Variants in AXIN2 observed in about 807,000 individuals in gnomAD.
The protein encoded by AXIN2 is axin-2.
A neutral mutation model predicts 74.7 loss-of-function variants in AXIN2; 21 were observed. The ratio of observed to expected loss-of-function variants is 0.28; its 90% CI spans 0.20 to 0.40. The LOEUF is 0.40. AXIN2 is among the 10% of genes least tolerant of loss of function. The pLI, the probability that AXIN2 is intolerant of heterozygous loss-of-function variation, is 1.00. For missense variants in AXIN2, 1,144 were observed against 1,111.1 expected (o/e 1.03, Z -0.42); for synonymous variants, 532 against 454.9 (o/e 1.17, Z -2.16).
In AXIN2 at chr17:65,537,669, C is replaced by G. The variant is rs1060502144; in HGVS notation, c.1367G>C (p.Gly456Ala). The G allele has an allele frequency of 6.4e-7, 1 of 1,562,328 alleles. No individual in the cohort carries two copies. Among genetic ancestry groups the G allele is most frequent in the African/African-American group, 1.4e-5 (1 of 74,012 alleles). Residue 456 changes from glycine to alanine, a missense_variant, in exon 6 of 11, where the codon GGC (glycine) becomes GCC (alanine). This residue lies in a region of AXIN2 where 1,053 missense variants were observed against 973.5 expected (regional missense o/e 1.08). Coordinates refer to ENST00000307078, the MANE Select transcript of AXIN2 (RefSeq NM_004655.4). ...VLKTPGCQSP[G>A]VGRYSPRSRS... ...GGAGCGGGGGCTATAGCGGCCTACG[C>G]CTGGAGACTGGCAGCCAGGGGTCTT...
rs1035482619 is a variant in AXIN2 at position 65,561,493 on chromosome 17, GC to G, written c.-161del. 2 of 150,316 alleles carry G rather than the reference GC, an allele frequency of 1.3e-5. No individual in the cohort carries two copies. Among genetic ancestry groups the G allele is most frequent in the Non-Finnish European group, 3.0e-5 (2 of 67,216 alleles). The allele number at this position is 150,316 out of a possible 1,614,324, so 9.3% of individuals were successfully genotyped here. A position where few individuals can be genotyped will look rare whatever the true frequency, so the allele number is the denominator to read the frequency against. ...CGGCGGGCGCCTCGGCCGCCGGGCG[GC>G]CCCGAAATCCATCGCTCTGAGGGGT... On this transcript the variant is annotated 5_prime_UTR_variant, in exon 1 of 11. The change abolishes the stop of an existing upstream ORF in the 5' untranslated region. Coordinates refer to ENST00000307078, the MANE Select transcript of AXIN2 (RefSeq NM_004655.4).
In AXIN2 at chr17:65,538,104, G is replaced by A. The variant is rs1422017403; in HGVS notation, c.1200+99C>T. On this transcript the variant is annotated intron_variant, in intron 5 of 10. Coordinates refer to ENST00000307078, the MANE Select transcript of AXIN2 (RefSeq NM_004655.4). ...CCACGCGCATGCGCATGCAACCCAC[G>A]CACATGCGCACACCCTAACGCACCC... 4 of 1,583,706 alleles carry A rather than the reference G, an allele frequency of 2.5e-6. No homozygotes were observed. The South Asian group carries it at 3.4e-5, about 13-fold the overall frequency.
In AXIN2 at chr17:65,529,028, T is replaced by G; in HGVS notation, c.*948A>C. 4.2e-6 allele frequency: 1 copy of G among 238,650 alleles called. No individual in the cohort carries two copies. The highest frequency in any genetic ancestry group is 8.2e-6 in the Non-Finnish European group (1 of 121,966). The allele number at this position is 238,650 out of a possible 1,614,324, so 14.8% of individuals were successfully genotyped here. On this transcript the variant is annotated 3_prime_UTR_variant, in exon 11 of 11. Transcript: ENST00000307078. ...CTCCCTACAACTGTTCATTTCTTTGTGGGGCAGGGGGTAGTTCCTGAATGG... is the reference window on the plus strand; with the variant it reads ...CTCCCTACAACTGTTCATTTCTTTGGGGGGCAGGGGGTAGTTCCTGAATGG...
chr17:65,552,001 A>G (rs373589417), intron 2 of AXIN2, among the ~76,000 whole-genome samples: 4 of 151,888 alleles, frequency 2.6e-5, no homozygotes, highest in Admixed American at 6.6e-5. Context: ...CCCTGTTCTC[A>G]TATCTGTAGA....
At chr17:65,560,443 C>CG (rs1016707129) in intron 1 of AXIN2, 8 of 138,724 alleles carry the variant, frequency 5.8e-5, no homozygotes, top group Non-Finnish European at 1.3e-4. Context: ...GGAGGGCAAG[C>CG]GGGGGGCGCC....
chr17:65,552,289 A>C (rs1251500260), intron 2 of AXIN2, among the ~76,000 whole-genome samples: 1 of 152,234 alleles, frequency 6.6e-6, no homozygotes, highest in African/African-American at 2.4e-5. Flanking sequence ...AAAGTTAGAG[A>C]GAAAAAAATA....
chr17:65,537,288 C>A (rs199839662), intron 6 of AXIN2, 36 bp downstream of exon 6: 1 of 1,612,948 alleles, frequency 6.2e-7, no homozygotes, highest in East Asian at 2.2e-5. Flanking sequence ...GGGAGACAAG[C>A]CCCACACGGG....
chr17:65,536,827 C>T (rs1567754690), intron 7 of AXIN2, 42 bp downstream of exon 7: 9 of 1,611,132 alleles, frequency 5.6e-6, no homozygotes, highest in Admixed American at 3.3e-5. Flanking sequence ...GTACTGAGTG[C>T]CCATGACCCT....
intron 10 of AXIN2, among the ~76,000 whole-genome samples, chr17:65,531,498 A>G (rs938494651): frequency 2.4e-4 from 36 of 151,520 alleles, no homozygotes; most frequent in Non-Finnish European, 4.1e-4. Context: ...CAGTGGGGGG[A>G]AAAGTCACTT....
At chr17:65,542,618 TA>T (rs913466982) in intron 3 of AXIN2, among the ~76,000 whole-genome samples, 3 of 152,212 alleles carry the variant, frequency 2.0e-5, no homozygotes, top group Non-Finnish European at 4.4e-5. Context: ...GAAGAATTTT[TA>T]AAAAGCTGCC....
intron 2 of AXIN2, among the ~76,000 whole-genome samples, chr17:65,556,572 G>A (rs1260808261): frequency 2.6e-5 from 4 of 152,096 alleles, no homozygotes; most frequent in East Asian, 3.9e-4. Flanking sequence ...CCACAAGCGC[G>A]CCCCCTGGTG....
At chr17:65,537,169 C>T (rs2043940417) in intron 6 of AXIN2, 106 bp from the exon 7 acceptor site, 1 of 1,536,874 alleles carries the variant, frequency 6.5e-7, no homozygotes, top group South Asian at 1.1e-5. Context: ...CACGAAAGAC[C>T]CATGCACCTG....
Position 65,552,996 on chromosome 17 carries a change from C to T in AXIN2, c.816-3336G>A, listed in dbSNP as rs112683654. Among the ~76,000 whole-genome samples, 1,427 of 152,200 alleles carry T rather than the reference C, an allele frequency of 9.4e-3. 21 individuals carry two copies. The highest frequency in any genetic ancestry group is 0.032 in the African/African-American group (1,338 of 41,524). On this transcript the variant is annotated intron_variant, in intron 2 of 10. Transcript: ENST00000307078. ...TGAGCAGAGATCACACCATTGCACT[C>T]CAGCCTAGGCAACAAGAATGAAACT...
intron 10 of AXIN2, among the ~76,000 whole-genome samples, chr17:65,533,477 A>G (rs553386614): frequency 6.6e-6 from 1 of 152,304 alleles, no homozygotes; most frequent in South Asian, 2.1e-4. Context: ...CCTAAACTCA[A>G]GCCAGTAGGG....
chr17:65,555,536 CATT>C (rs2044254612), intron 2 of AXIN2, among the ~76,000 whole-genome samples: 1 of 152,164 alleles, frequency 6.6e-6, no homozygotes, highest in African/African-American at 2.4e-5. Context: ...TTTACATCAT[CATT>C]ACTAATTATA....
chr17:65,558,361 C>T lies in AXIN2; in HGVS notation c.260G>A (p.Gly87Asp), dbSNP rs2144589016. Residue 87 changes from glycine (G) to aspartate (D), a missense_variant, in exon 2 of 11, where the codon GGC (glycine) becomes GAC (aspartate). Gly to Asp is a moderately conservative substitution (Grantham distance 94). Coordinates refer to ENST00000307078, the MANE Select transcript of AXIN2 (RefSeq NM_004655.4). Reference protein sequence around the residue: ...RWTKSLHSLLGDQDGAYLFRT... With the variant: ...RWTKSLHSLLDDQDGAYLFRT... ...GAACAGGTAAGCACCGTCTTGATCGCCCAATAAGGAGTGTAAGGACTTGGT... is the reference window on the plus strand; with the variant it reads ...GAACAGGTAAGCACCGTCTTGATCGTCCAATAAGGAGTGTAAGGACTTGGT... 1 of 1,613,588 alleles carries T rather than the reference C, an allele frequency of 6.2e-7. No homozygotes were observed. Among genetic ancestry groups the T allele is most frequent in the Non-Finnish European group, 8.5e-7 (1 of 1,179,532 alleles).
intron 7 of AXIN2, 111 bp downstream of exon 7, chr17:65,536,758 G>C: frequency 6.6e-7 from 1 of 1,506,178 alleles, no homozygotes; most frequent in South Asian, 1.1e-5. Flanking sequence ...GATGGCAGGA[G>C]CAAATAGTCA....
At chr17:65,542,654 T>A (rs2044060683) in intron 3 of AXIN2, among the ~76,000 whole-genome samples, 1 of 152,224 alleles carries the variant, frequency 6.6e-6, no homozygotes, top group African/African-American at 2.4e-5. Context: ...TCACTACAAC[T>A]ATGACCTAGA....
chr17:65,550,703 C>T (rs765638325), intron 2 of AXIN2, among the ~76,000 whole-genome samples: 2 of 152,230 alleles, frequency 1.3e-5, no homozygotes, highest in African/African-American at 2.4e-5. Context: ...TATTAGTCCA[C>T]AGCAGCTGGT....
Sources: allele counts gnomAD v4.1 joint callset (sites outside exome capture counted in the v4.1 genomes callset), GRCh38; gene constraint gnomAD v4.1.1; regional missense constraint gnomAD v4.1.1; transcripts MANE v1.5; gene names NCBI Gene and HGNC (gene_info 2026-07-23, HGNC 2026-07-21).